Variants in SMAD3 observed in about 807,000 individuals in gnomAD.
SMAD3 encodes the protein SMAD family member 3.
In SMAD3, 12 loss-of-function variants were observed where a neutral mutation model predicts 51.8. The ratio of observed to expected loss-of-function variants is 0.23; its 90% CI spans 0.15 to 0.38. The LOEUF is 0.38. Ranked by LOEUF, SMAD3 falls within the 10% of genes least tolerant of loss-of-function variation. The pLI is 1.00. For synonymous variants in SMAD3, 238 were observed against 227.7 expected (o/e 1.05, Z -0.41); for missense variants, 294 against 565.6 (o/e 0.52, Z 4.87).
chr15:67,068,971 G>T (rs901551011), intron 1 of SMAD3, among the ~76,000 whole-genome samples: 2 of 152,174 alleles, frequency 1.3e-5, no homozygotes, highest in Non-Finnish European at 2.9e-5. Context: ...CCCTGTGTGT[G>T]GGGGGTTGGT....
chr15:67,078,472 A>G (rs1960216747), intron 1 of SMAD3, among the ~76,000 whole-genome samples: 1 of 152,248 alleles, frequency 6.6e-6, no homozygotes, highest in South Asian at 2.1e-4. Flanking sequence ...GCAGACCCAT[A>G]GCAGGATGTA....
chr15:67,154,873 A>G (rs558868580), intron 1 of SMAD3, among the ~76,000 whole-genome samples: 126 of 152,374 alleles, frequency 8.3e-4, no homozygotes, highest in African/African-American at 2.9e-3. Flanking sequence ...TTAAGATTCA[A>G]TACAACAAAG....
At chr15:67,138,380 G>A (rs935691586) in intron 1 of SMAD3, 41 of 439,502 alleles carry the variant, frequency 9.3e-5, no homozygotes, top group Admixed American at 1.4e-4. Flanking sequence ...GAGCTTGCTT[G>A]CCATCGCAGT....
chr15:67,079,120 A>G (rs563408093), intron 1 of SMAD3, among the ~76,000 whole-genome samples: 1 of 152,104 alleles, frequency 6.6e-6, no homozygotes, highest in Non-Finnish European at 1.5e-5. Flanking sequence ...CTGGGATTAC[A>G]GGCATGCACC....
chr15:67,072,426 A>G (rs1566958643), intron 1 of SMAD3, among the ~76,000 whole-genome samples: 1 of 152,204 alleles, frequency 6.6e-6, no homozygotes, highest in Non-Finnish European at 1.5e-5. Context: ...CTGTAATTGC[A>G]ATTAAGTTCT....
chr15:67,183,015 ATATATATATATATATATTTTTT>A, intron 6 of SMAD3, among the ~76,000 whole-genome samples: 2 of 72,628 alleles, frequency 2.8e-5, no homozygotes, highest in East Asian at 6.8e-4. Flanking sequence ...ATATATATAT[ATATATATATATATATATTTTTT>A]TTTTTTTTTT....
chr15:67,120,777 C>T (rs925525914), intron 1 of SMAD3, among the ~76,000 whole-genome samples: 1 of 152,192 alleles, frequency 6.6e-6, no homozygotes, highest in Non-Finnish European at 1.5e-5. Flanking sequence ...CCCTCTGGCC[C>T]GTGGGCCGCA....
chr15:67,104,216 C>T (rs2140227569), intron 1 of SMAD3, among the ~76,000 whole-genome samples: 1 of 152,194 alleles, frequency 6.6e-6, no homozygotes, highest in South Asian at 2.1e-4. Flanking sequence ...CTTCTGTAAT[C>T]CCTGCGTCTC....
At position 67,166,837 on chromosome 15, in the gene SMAD3, C is replaced by T. The variant is rs2140296869; in HGVS notation, c.591C>T (p.Asn197=). ...EDGETSDHQM[N]HSMDAGSPNL... ...GAGAAACCAGTGACCACCAGATGAACCACAGCATGGACGCAGGTCAGTCAT... is the reference window on the plus strand; with the variant it reads ...GAGAAACCAGTGACCACCAGATGAATCACAGCATGGACGCAGGTCAGTCAT... Residue 197 remains asparagine (N), a synonymous_variant, in exon 4 of 9, where the codon AAC becomes AAT. Coordinates refer to ENST00000327367, the MANE Select transcript of SMAD3 (RefSeq NM_005902.4). 1.9e-6 allele frequency: 3 copies of T among 1,594,368 alleles called. No homozygotes were observed. Among genetic ancestry groups the T allele is most frequent in the Non-Finnish European group, 2.6e-6 (3 of 1,169,944 alleles).
In SMAD3 at chr15:67,066,363, G is replaced by C; in HGVS notation, c.206+3G>C. 6.2e-7 allele frequency: 1 copy of C among 1,611,614 alleles called. No individual in the cohort carries two copies. The highest frequency in any genetic ancestry group is 8.5e-7 in the Non-Finnish European group (1 of 1,178,934). On this transcript the variant is annotated splice_donor_region_variant and intron_variant, in intron 1 of 8. Coordinates refer to ENST00000327367, the MANE Select transcript of SMAD3 (RefSeq NM_005902.4). Reference sequence around the variant, plus strand: ...ACCAAGTGCATCACCATCCCCAGGTGGGGGCCCGCCCGGGGGGGACCCGGG... The same window carrying C: ...ACCAAGTGCATCACCATCCCCAGGTCGGGGCCCGCCCGGGGGGGACCCGGG...
intron 1 of SMAD3, among the ~76,000 whole-genome samples, chr15:67,082,751 T>C (rs1308509052): frequency 6.6e-6 from 1 of 152,232 alleles, no homozygotes; most frequent in Non-Finnish European, 1.5e-5. Context: ...GCAAGTGCCC[T>C]TTCATTCCAA....
intron 6 of SMAD3, among the ~76,000 whole-genome samples, chr15:67,182,009 A>T (rs1963075347): frequency 6.6e-6 from 1 of 151,978 alleles, no homozygotes; most frequent in Non-Finnish European, 1.5e-5. Context: ...CTGGTCTCGA[A>T]CTCCTGACCT....
chr15:67,073,510 ACCTTG>A (rs1960101392), intron 1 of SMAD3, among the ~76,000 whole-genome samples: 1 of 152,194 alleles, frequency 6.6e-6, no homozygotes, highest in South Asian at 2.1e-4. Flanking sequence ...GAGTCAGCAG[ACCTTG>A]GTAGGTTCTA....
At position 67,191,721 on chromosome 15, in the gene SMAD3, G is replaced by C. The variant is rs764124750; in HGVS notation, c.*1185G>C. Reference sequence around the variant, plus strand: ...AATTCACCAGAAGGGAAACATCTCAGGCCAACATAGGCAAATGAAAAGGGC... The same window carrying C: ...AATTCACCAGAAGGGAAACATCTCACGCCAACATAGGCAAATGAAAAGGGC... On this transcript the variant is annotated 3_prime_UTR_variant, in exon 9 of 9. Transcript: ENST00000327367. The C allele has an allele frequency of 4.3e-6, 1 of 231,130 alleles. No homozygotes were observed. The highest frequency in any genetic ancestry group is 2.2e-5 in the African/African-American group (1 of 45,178). The allele number at this position is 231,130 out of a possible 1,614,324, so 14.3% of individuals were successfully genotyped here.
chr15:67,077,229 G>A (rs1432270296), intron 1 of SMAD3, among the ~76,000 whole-genome samples: 2 of 152,266 alleles, frequency 1.3e-5, no homozygotes, highest in Middle Eastern at 6.8e-3. Context: ...CTGTATGTAT[G>A]TATGTATGTA....
At chr15:67,067,161 A>G (rs1439055949) in intron 1 of SMAD3, among the ~76,000 whole-genome samples, 2 of 151,584 alleles carry the variant, frequency 1.3e-5, no homozygotes, top group Non-Finnish European at 2.9e-5. Flanking sequence ...CCGGGCAGAT[A>G]ACAAAACACA....
In SMAD3 at chr15:67,170,456, G is replaced by C. The variant is rs755286818; in HGVS notation, c.608-98G>C. ...CTCAGTCCAGGGTTTTCTTTCTGCT[G>C]TGTTGGGCTACCCCTCCTTGATATG... is the stretch of plus-strand genomic sequence containing the variant. On this transcript the variant is annotated intron_variant, in intron 4 of 8. Coordinates refer to ENST00000327367, the MANE Select transcript of SMAD3 (RefSeq NM_005902.4). 11 of 986,812 alleles carry C rather than the reference G, an allele frequency of 1.1e-5. 1 individual carries two copies. The highest frequency in any genetic ancestry group is 2.5e-5 in the South Asian group (2 of 78,458). The allele number at this position is 986,812 out of a possible 1,614,324, so 61.1% of individuals were successfully genotyped here. A position where few individuals can be genotyped will look rare whatever the true frequency, so the allele number is the denominator to read the frequency against.
At chr15:67,118,082 A>C (rs1382558276) in intron 1 of SMAD3, among the ~76,000 whole-genome samples, 1 of 152,258 alleles carries the variant, frequency 6.6e-6, no homozygotes, top group African/African-American at 2.4e-5. Flanking sequence ...ACAGAGTGAG[A>C]CAATGTCTCA....
rs536143496 is a variant in SMAD3, at chr15:67,144,354, T to A, written c.207-20541T>A. Among the ~76,000 whole-genome samples the A allele has an allele frequency of 3.9e-5, 6 of 152,324 alleles. No homozygotes were observed. In the South Asian group the frequency reaches 1.0e-3, roughly 26 times the overall value. On this transcript the variant is annotated intron_variant, in intron 1 of 8. Coordinates refer to ENST00000327367, the MANE Select transcript of SMAD3 (RefSeq NM_005902.4). ...AGTGACTTTTTGTGGTTGGGTGATA[T>A]TTCTTTTTGTGGATATAAAGGGAGG... is the stretch of plus-strand genomic sequence containing the variant.
Sources: gnomAD v4.1 joint callset for allele counts (sites outside exome capture counted in the v4.1 genomes callset) on GRCh38, gnomAD v4.1.1 for gene constraint, MANE v1.5 for transcripts, NCBI Gene and HGNC (gene_info 2026-07-23, HGNC 2026-07-21) for gene names.